TRA2A: variants seen among roughly 807,000 people sequenced by gnomAD.
TRA2A encodes transformer 2 alpha homolog, also known as transformer-2 protein homolog alpha.
A neutral mutation model predicts 45.7 loss-of-function variants in TRA2A; 31 were observed. That is an observed-to-expected ratio of 0.68 (90% confidence interval 0.51 to 0.92). TRA2A has a LOEUF of 0.92. Among genes scored for constraint, TRA2A ranks in the 40% least tolerant of loss-of-function variants. The pLI, the probability that TRA2A is intolerant of heterozygous loss-of-function variation, is 0.00. For synonymous variants in TRA2A, 132 were observed against 126.2 expected (o/e 1.05, Z -0.31); for missense variants, 304 against 367.5 (o/e 0.83, Z 1.41).
chr7:23,518,556 T>C (rs1048940381), intron 2 of TRA2A, among the ~76,000 whole-genome samples: 4 of 152,140 alleles, frequency 2.6e-5, no homozygotes, highest in Admixed American at 2.6e-4. Context: ...TTGGCCAGGT[T>C]GGTCTCGAAC....
intron 3 of TRA2A, among the ~76,000 whole-genome samples, chr7:23,513,487 C>A (rs7789992): frequency 0.68 from 103,619 of 151,898 alleles, 36,558 homozygotes; most frequent in African/African-American, 0.87. Flanking sequence ...GCATGGTGGC[C>A]GGCGCCTGTA....
intron 2 of TRA2A, among the ~76,000 whole-genome samples, chr7:23,519,190 G>A (rs1308990428): frequency 6.6e-6 from 1 of 151,994 alleles, no homozygotes; most frequent in African/African-American, 2.4e-5. Context: ...TCAGGAGATC[G>A]AGACCATCGT....
intron 3 of TRA2A, among the ~76,000 whole-genome samples, chr7:23,515,452 C>CAG (rs1789822115): frequency 6.6e-6 from 1 of 151,912 alleles, no homozygotes; most frequent in South Asian, 2.1e-4. Context: ...CTCCTGACCT[C>CAG]GTGATCCGCC....
At chr7:23,516,103 G>A (rs941805752) in intron 3 of TRA2A, among the ~76,000 whole-genome samples, 6 of 152,010 alleles carry the variant, frequency 3.9e-5, no homozygotes, top group African/African-American at 1.4e-4. Context: ...TTGCACCCCT[G>A]CACTCCAGCC....
intron 3 of TRA2A, among the ~76,000 whole-genome samples, chr7:23,514,037 G>A (rs1000882055): frequency 6.6e-6 from 1 of 151,680 alleles, no homozygotes; most frequent in Non-Finnish European, 1.5e-5. Flanking sequence ...AGAACATAAA[G>A]TACATTGATT....
intron 1 of TRA2A, chr7:23,531,464 C>T: frequency 5.2e-6 from 2 of 381,114 alleles, no homozygotes; most frequent in African/African-American, 2.1e-5. Flanking sequence ...CCCGCCCAAC[C>T]GCGACGGGGA....
intron 2 of TRA2A, among the ~76,000 whole-genome samples, chr7:23,520,239 G>A (rs2390787): frequency 0.68 from 103,401 of 152,012 alleles, 36,355 homozygotes; most frequent in African/African-American, 0.86. Context: ...AAACAAACAA[G>A]AAACTCTTCA....
chr7:23,524,317 G>A (rs747011119), intron 1 of TRA2A, among the ~76,000 whole-genome samples: 1 of 151,444 alleles, frequency 6.6e-6, no homozygotes, highest in African/African-American at 2.4e-5. Flanking sequence ...CTGAGCAGCT[G>A]GGATTACAGG....
At chr7:23,508,660 A>T (rs967451152) in intron 4 of TRA2A, among the ~76,000 whole-genome samples, 1 of 152,044 alleles carries the variant, frequency 6.6e-6, no homozygotes, top group Non-Finnish European at 1.5e-5. Flanking sequence ...ATGCCCAGCT[A>T]ATTTTTTGTA....
chr7:23,513,005 T>C lies in TRA2A; in HGVS notation c.414A>G (p.Val138=). The C allele has an allele frequency of 6.2e-7, 1 of 1,613,918 alleles. No individual in the cohort carries two copies. Among genetic ancestry groups the C allele is most frequent in the Non-Finnish European group, 8.5e-7 (1 of 1,179,934 alleles). ...LYTTERDLRE[V]FSRYGPLSGV... is the part of the protein sequence containing the mutation. Reference sequence around the variant, plus strand: ...CACTCAATGGTCCATATCGAGAAAATACTTCACGAAGATCCCTCTCTGTTG... The same window carrying C: ...CACTCAATGGTCCATATCGAGAAAACACTTCACGAAGATCCCTCTCTGTTG... Residue 138 remains valine, a synonymous_variant, in exon 4 of 8, where the codon GTA becomes GTG. Coordinates refer to ENST00000297071, the MANE Select transcript of TRA2A (RefSeq NM_013293.5).
At chr7:23,505,941 T>C (rs567863178) in intron 6 of TRA2A, 128 bp from the exon 7 acceptor site, 3 of 699,268 alleles carry the variant, frequency 4.3e-6, no homozygotes, top group Non-Finnish European at 4.6e-6. Flanking sequence ...TTAAGTTCTC[T>C]TTCTGCCAAT....
rs538323705 is a variant in TRA2A at position 23,505,263 on chromosome 7, T to C, written c.*296A>G. The C allele has an allele frequency of 7.6e-5, 25 of 326,896 alleles. No individual in the cohort carries two copies. The highest frequency in any genetic ancestry group is 4.7e-4 in the African/African-American group (22 of 47,308). The allele number at this position is 326,896 out of a possible 1,614,324, so 20.2% of individuals were successfully genotyped here. A position where few individuals can be genotyped will look rare whatever the true frequency, so the allele number is the denominator to read the frequency against. On this transcript the variant is annotated 3_prime_UTR_variant, in exon 8 of 8. Coordinates refer to ENST00000297071, the MANE Select transcript of TRA2A (RefSeq NM_013293.5). ...CAGTTTCTTTCCTTATTTGATTAGC[T>C]AGAAGTTTATCTAGGTAAAAGCAAA...
chr7:23,510,237 GT>G (rs1271648323), intron 4 of TRA2A, among the ~76,000 whole-genome samples: 6 of 152,102 alleles, frequency 3.9e-5, no homozygotes, highest in Non-Finnish European at 7.4e-5. Flanking sequence ...CGCTCCTTAA[GT>G]AACATATTGT....
rs752013039 is a variant in TRA2A at position 23,531,867 on chromosome 7, G to A, written c.-43C>T. On this transcript the variant is annotated 5_prime_UTR_variant, in exon 1 of 8. Coordinates refer to ENST00000297071, the MANE Select transcript of TRA2A (RefSeq NM_013293.5). ...CAGAACTAAATAAGAGACAAGTCTC[G>A]GCTCGAGGGCCGATGGCCTAATTAA... is the stretch of plus-strand genomic sequence containing the variant. The A allele has an allele frequency of 1.9e-5, 31 of 1,609,394 alleles. No individual in the cohort carries two copies. The highest frequency in any genetic ancestry group is 2.7e-5 in the African/African-American group (2 of 74,852).
At chr7:23,522,036 C>G in intron 1 of TRA2A, 196 bp from the exon 2 acceptor site, 1 of 1,395,584 alleles carries the variant, frequency 7.2e-7, no homozygotes, top group Non-Finnish European at 9.3e-7. Context: ...CCTACTTGAA[C>G]CAGATCACCA....
intron 4 of TRA2A, among the ~76,000 whole-genome samples, chr7:23,512,036 AAC>A (rs750188365): frequency 6.6e-6 from 1 of 152,218 alleles, no homozygotes; most frequent in Non-Finnish European, 1.5e-5. Context: ...TTCAAAAGAG[AAC>A]ACTTACACAT....
At chr7:23,516,276 G>A in intron 3 of TRA2A, 87 bp downstream of exon 3, 3 of 1,379,786 alleles carry the variant, frequency 2.2e-6, no homozygotes, top group South Asian at 2.6e-5. Flanking sequence ...TCTAAACAAT[G>A]GCCAAGCTCC....
rs1203623500 is a variant in TRA2A at position 23,517,396 on chromosome 7, C to T, written c.171-868G>A. 1.1e-4 allele frequency among the ~76,000 whole-genome samples: 15 copies of T among 138,338 alleles called. 1 individual carries two copies. The highest frequency in any genetic ancestry group is 6.9e-4 in the East Asian group (3 of 4,376). The allele number at this position is 138,338 out of a possible 152,430, so 90.8% of individuals were successfully genotyped here. On this transcript the variant is annotated intron_variant, in intron 2 of 7. Coordinates refer to ENST00000297071, the MANE Select transcript of TRA2A (RefSeq NM_013293.5). ...TGGGAGGCTGAGGCAGGAAATGGCG[C>T]GAACCCAGAAGGCGGAGCTTGCAGT...
At chr7:23,511,370 CAAAAAAAAAAAAAAAAAAAAAAAAA>C (rs567187750) in intron 4 of TRA2A, among the ~76,000 whole-genome samples, 56 of 40,114 alleles carry the variant, frequency 1.4e-3, no homozygotes, top group Middle Eastern at 0.015. Context: ...GACTCCATCT[CAAAAAAAAAAAAAAAAAAAAAAAAA>C]AAAAAAAAAA....
Sources: allele counts gnomAD v4.1 joint callset (sites outside exome capture counted in the v4.1 genomes callset), GRCh38; gene constraint gnomAD v4.1.1; transcripts MANE v1.5; gene names NCBI Gene and HGNC (gene_info 2026-07-23, HGNC 2026-07-21).